Variants in SEMA6D observed in about 807,000 individuals in gnomAD.
SEMA6D encodes the protein semaphorin-6D.
A neutral mutation model predicts 106.6 loss-of-function variants in SEMA6D; 35 were observed. The observed-to-expected ratio is 0.33, with a 90% confidence interval of 0.25 to 0.44. The LOEUF (loss-of-function observed/expected upper bound fraction) is 0.44, where lower values mean the gene tolerates loss of function less well. SEMA6D is among the 20% of genes least tolerant of loss of function. SEMA6D has a pLI of 1.00. For missense variants in SEMA6D, 1,185 were observed against 1,345.9 expected, an observed-to-expected ratio of 0.88 and a Z score of 1.87; for synonymous variants, 499 against 487.7, an observed-to-expected ratio of 1.02 and a Z score of -0.31.
intron 13 of SEMA6D, chr15:47,765,492 CAAAT>C (rs1475751885): frequency 1.2e-6 from 1 of 841,304 alleles, no homozygotes; most frequent in Non-Finnish European, 1.4e-6. Flanking sequence ...AAAAAAAAAA[CAAAT>C]AAGAAATAGA....
intron 1 of SEMA6D, among the ~76,000 whole-genome samples, chr15:47,281,767 T>G (rs2035133335): frequency 6.6e-6 from 1 of 152,170 alleles, no homozygotes; most frequent in Non-Finnish European, 1.5e-5. Flanking sequence ...GTGAATTTAC[T>G]GCAATCTTTG....
At chr15:47,298,444 T>C (rs1429569715) in intron 1 of SEMA6D, among the ~76,000 whole-genome samples, 1 of 152,208 alleles carries the variant, frequency 6.6e-6, no homozygotes, top group African/African-American at 2.4e-5. Context: ...TGAGTCTACC[T>C]ACAGGAAACA....
chr15:47,623,718 A>C (rs1253198611), intron 4 of SEMA6D, among the ~76,000 whole-genome samples: 2 of 152,112 alleles, frequency 1.3e-5, no homozygotes, highest in Admixed American at 1.3e-4. Flanking sequence ...AAATATTTTC[A>C]AGGGCTTCTG....
chr15:47,248,706 A>T (rs2033340105), intron 1 of SEMA6D, among the ~76,000 whole-genome samples: 1 of 152,194 alleles, frequency 6.6e-6, no homozygotes, highest in South Asian at 2.1e-4. Context: ...ACTGATTTAC[A>T]ATGTAGAATG....
chr15:47,426,898 G>A (rs2041357739), intron 2 of SEMA6D, among the ~76,000 whole-genome samples: 1 of 152,108 alleles, frequency 6.6e-6, no homozygotes, highest in African/African-American at 2.4e-5. Flanking sequence ...TAAATCTGAA[G>A]AGAATATTTT....
At chr15:47,338,237 G>A (rs866895907) in intron 1 of SEMA6D, among the ~76,000 whole-genome samples, 1 of 152,136 alleles carries the variant, frequency 6.6e-6, no homozygotes, top group Non-Finnish European at 1.5e-5. Flanking sequence ...GAATAAATGG[G>A]TTATTAATTT....
intron 4 of SEMA6D, among the ~76,000 whole-genome samples, chr15:47,616,113 C>A (rs961221951): frequency 6.6e-6 from 1 of 152,032 alleles, no homozygotes; most frequent in Non-Finnish European, 1.5e-5. Context: ...ACCGATCTCT[C>A]ACCCTCTTTC....
In SEMA6D at chr15:47,771,410, C is replaced by T. The variant is rs745748465; in HGVS notation, c.2847C>T (p.Thr949=). ...CAACCAAGCGAGTGGATGTCCCCACCACTCCTGGAGTCCCAATGACTTCTC... is the reference window on the plus strand; with the variant it reads ...CAACCAAGCGAGTGGATGTCCCCACTACTCCTGGAGTCCCAATGACTTCTC... The part of the protein sequence containing the change: ...NSPTKRVDVP[T]TPGVPMTSLE... Residue 949 remains threonine (T), a synonymous_variant, in exon 19 of 19, where the codon ACC becomes ACT. Transcript: ENST00000536845. 1 of 1,614,106 alleles carries T rather than the reference C, an allele frequency of 6.2e-7. No homozygotes were observed. Among genetic ancestry groups the T allele is most frequent in the East Asian group, 2.2e-5 (1 of 44,852 alleles).
chr15:47,214,280 G>A (rs969078823), intron 1 of SEMA6D, among the ~76,000 whole-genome samples: 4 of 152,080 alleles, frequency 2.6e-5, no homozygotes, highest in South Asian at 2.1e-4. Flanking sequence ...TCAAGGATTC[G>A]TCTTGTTGAC....
chr15:47,484,861 G>T (rs1256647862), intron 3 of SEMA6D, among the ~76,000 whole-genome samples: 4 of 152,170 alleles, frequency 2.6e-5, no homozygotes, highest in Non-Finnish European at 4.4e-5. Context: ...GTTTCAAATT[G>T]TACAGTTGTG....
At chr15:47,309,197 G>A (rs1190126505) in intron 1 of SEMA6D, among the ~76,000 whole-genome samples, 1 of 152,134 alleles carries the variant, frequency 6.6e-6, no homozygotes, top group African/African-American at 2.4e-5. Flanking sequence ...GTTTCCCCAT[G>A]TCAATCACCA....
intron 1 of SEMA6D, among the ~76,000 whole-genome samples, chr15:47,272,176 C>T (rs1191639238): frequency 6.6e-6 from 1 of 152,118 alleles, no homozygotes; most frequent in Non-Finnish European, 1.5e-5. Flanking sequence ...GACATGTTGC[C>T]AGATACTGTA....
intron 1 of SEMA6D, among the ~76,000 whole-genome samples, chr15:47,262,384 G>C (rs1379503346): frequency 6.6e-6 from 1 of 152,206 alleles, no homozygotes; most frequent in Non-Finnish European, 1.5e-5. Flanking sequence ...TTGGCTCACG[G>C]TTCCATATGG....
chr15:47,683,747 T>C (rs571324645), intron 4 of SEMA6D, among the ~76,000 whole-genome samples: 1 of 152,358 alleles, frequency 6.6e-6, no homozygotes, highest in South Asian at 2.1e-4. Flanking sequence ...GGTATGGCTT[T>C]ACCAGCACAT....
chr15:47,753,444 C>T (rs684155), intron 1 of SEMA6D, among the ~76,000 whole-genome samples: 2,217 of 152,214 alleles, frequency 0.015, 58 homozygotes, highest in African/African-American at 0.051. Context: ...CAGTCAGGAG[C>T]ACAGGCAGAA....
At chr15:47,205,196 A>C (rs772455017) in intron 1 of SEMA6D, among the ~76,000 whole-genome samples, 10 of 152,186 alleles carry the variant, frequency 6.6e-5, no homozygotes, top group Non-Finnish European at 1.5e-4. Flanking sequence ...GTAGATACCT[A>C]GTATATTTTG....
At chr15:47,537,511 T>C (rs1181443994) in intron 3 of SEMA6D, among the ~76,000 whole-genome samples, 1 of 152,158 alleles carries the variant, frequency 6.6e-6, no homozygotes, top group Non-Finnish European at 1.5e-5. Flanking sequence ...ATATAAGGCA[T>C]TGGGAAGGCA....
intron 1 of SEMA6D, among the ~76,000 whole-genome samples, chr15:47,344,958 C>A (rs1337854825): frequency 1.3e-5 from 2 of 152,064 alleles, no homozygotes; most frequent in African/African-American, 4.8e-5. Context: ...TTTAAAATAA[C>A]ATAAAAAATG....
intron 1 of SEMA6D, among the ~76,000 whole-genome samples, chr15:47,265,760 G>A (rs1284528514): frequency 1.3e-5 from 2 of 151,930 alleles, no homozygotes; most frequent in African/African-American, 4.8e-5. Context: ...CCCCCACTGT[G>A]GGGATTGCTA....
Sources: allele counts gnomAD v4.1 joint callset (sites outside exome capture counted in the v4.1 genomes callset), GRCh38; gene constraint gnomAD v4.1.1; transcripts MANE v1.5; gene names NCBI Gene and HGNC (gene_info 2026-07-23, HGNC 2026-07-21).